The following PCDH9 variants were observed in gnomAD, a reference collection of about 807,000 sequenced individuals.
PCDH9 encodes the protein protocadherin-9.
PCDH9 carries 24 observed loss-of-function variants against 70.6 expected under a neutral mutation model. The observed-to-expected ratio is 0.34, with a 90% CI of 0.25 to 0.48. The LOEUF (loss-of-function observed/expected upper bound fraction) is 0.48. Among genes scored for constraint, PCDH9 ranks in the 20% least tolerant of loss-of-function variants. The pLI, the probability that PCDH9 is intolerant of heterozygous loss-of-function variation, is 0.99. For synonymous variants in PCDH9, 562 were observed against 558.5 expected (o/e 1.01, Z -0.09); for missense variants, 1,281 against 1,503.6 (o/e 0.85, Z 2.45).
At chr13:67,014,370 C>A (rs893871361) in intron 2 of PCDH9, among the ~76,000 whole-genome samples, 1 of 152,010 alleles carries the variant, frequency 6.6e-6, no homozygotes, top group Non-Finnish European at 1.5e-5. Flanking sequence ...CGCATAATAT[C>A]CTTTTAAGTT....
chr13:67,172,336 T>C (rs2088311271), intron 2 of PCDH9, among the ~76,000 whole-genome samples: 1 of 152,056 alleles, frequency 6.6e-6, no homozygotes, highest in African/African-American at 2.4e-5. Context: ...CTAGTAAGAG[T>C]TTCAGAAAAC....
intron 3 of PCDH9, among the ~76,000 whole-genome samples, chr13:66,745,056 T>C (rs779259405): frequency 4.6e-5 from 7 of 152,182 alleles, no homozygotes; most frequent in African/African-American, 1.7e-4. Context: ...GCAATTTACT[T>C]TTTGTGTGAG....
intron 3 of PCDH9, among the ~76,000 whole-genome samples, chr13:66,793,007 A>G (rs977189810): frequency 1.3e-5 from 2 of 152,164 alleles, no homozygotes; most frequent in Non-Finnish European, 2.9e-5. Context: ...AGTTGATTGG[A>G]TTACATCATG....
At chr13:66,675,882 T>C (rs987431875) in intron 3 of PCDH9, among the ~76,000 whole-genome samples, 13 of 152,148 alleles carry the variant, frequency 8.5e-5, no homozygotes, top group African/African-American at 3.1e-4. Flanking sequence ...TTCGCAGAAG[T>C]ATGGCGTTGT....
chr13:66,780,271 C>G (rs768609025), intron 3 of PCDH9, among the ~76,000 whole-genome samples: 5 of 152,062 alleles, frequency 3.3e-5, no homozygotes, highest in Non-Finnish European at 7.4e-5. Context: ...TTGATGGAAG[C>G]AAATCTATTT....
intron 2 of PCDH9, among the ~76,000 whole-genome samples, chr13:67,045,350 C>T (rs991866757): frequency 9.9e-5 from 15 of 152,232 alleles, no homozygotes; most frequent in African/African-American, 3.1e-4. Flanking sequence ...GCGTATTGTA[C>T]AATTTCCTTT....
At chr13:66,790,278 C>T (rs1461146355) in intron 3 of PCDH9, among the ~76,000 whole-genome samples, 1 of 151,722 alleles carries the variant, frequency 6.6e-6, no homozygotes, top group East Asian at 1.9e-4. Flanking sequence ...AATTTTTTCC[C>T]CAAAAGATTT....
intron 3 of PCDH9, among the ~76,000 whole-genome samples, chr13:66,875,905 C>G (rs2081798451): frequency 6.6e-6 from 1 of 152,142 alleles, no homozygotes; most frequent in South Asian, 2.1e-4. Context: ...TGTCAGGCAG[C>G]CTGTCATGTC....
intron 3 of PCDH9, among the ~76,000 whole-genome samples, chr13:66,863,027 A>G (rs1417871469): frequency 6.6e-6 from 1 of 152,238 alleles, no homozygotes; most frequent in Non-Finnish European, 1.5e-5. Flanking sequence ...AATGTTTGAA[A>G]GTCACATTTT....
intron 3 of PCDH9, among the ~76,000 whole-genome samples, chr13:66,703,449 C>G (rs1039983555): frequency 2.0e-5 from 3 of 152,118 alleles, no homozygotes; most frequent in African/African-American, 7.2e-5. Flanking sequence ...CTATAATAGA[C>G]CAAGCTTTGT....
chr13:66,459,118 T>C (rs896209061), intron 4 of PCDH9, among the ~76,000 whole-genome samples: 2 of 152,018 alleles, frequency 1.3e-5, no homozygotes, highest in South Asian at 4.1e-4. Flanking sequence ...CAGTCGAAAC[T>C]ACAGGGAAAA....
At chr13:66,930,608 T>C in intron 2 of PCDH9, among the ~76,000 whole-genome samples, 1 of 152,176 alleles carries the variant, frequency 6.6e-6, no homozygotes, top group East Asian at 1.9e-4. Flanking sequence ...AACTGTCCTG[T>C]TGCCATTCAT....
chr13:66,631,163 C>T, intron 4 of PCDH9, 47 bp downstream of exon 4: 4 of 982,490 alleles, frequency 4.1e-6, no homozygotes, highest in Non-Finnish European at 6.6e-6. Context: ...AAGTGCACTA[C>T]AAAACCAGAA....
At chr13:66,553,319 TG>T (rs1961580285) in intron 4 of PCDH9, among the ~76,000 whole-genome samples, 1 of 152,182 alleles carries the variant, frequency 6.6e-6, no homozygotes, top group Non-Finnish European at 1.5e-5. Context: ...TAAGTACTTG[TG>T]GAATGGATTA....
intron 4 of PCDH9, among the ~76,000 whole-genome samples, chr13:66,329,885 G>T (rs946060676): frequency 6.6e-6 from 1 of 152,040 alleles, no homozygotes; most frequent in African/African-American, 2.4e-5. Flanking sequence ...AGCAAAACAG[G>T]TCTTTCTTAT....
chr13:67,037,977 C>A (rs1049547379), intron 2 of PCDH9, among the ~76,000 whole-genome samples: 24 of 151,622 alleles, frequency 1.6e-4, no homozygotes, highest in African/African-American at 5.8e-4. Flanking sequence ...AGAATACTGA[C>A]GTATAAAACA....
At chr13:66,750,467 A>G (rs2079440349) in intron 3 of PCDH9, among the ~76,000 whole-genome samples, 3 of 152,044 alleles carry the variant, frequency 2.0e-5, no homozygotes. Flanking sequence ...AAAGCCTAAA[A>G]TGTGAAGTGA....
chr13:66,897,261 A>C (rs2139583001), intron 3 of PCDH9, among the ~76,000 whole-genome samples: 1 of 152,070 alleles, frequency 6.6e-6, no homozygotes, highest in Admixed American at 6.6e-5. Context: ...GAAGAAAGGA[A>C]GAGAGGGAGG....
At chr13:67,212,081 AT>A (rs1283704994) in intron 2 of PCDH9, 1 of 152,150 alleles carries the variant, frequency 6.6e-6, no homozygotes, top group Non-Finnish European at 1.5e-5. Context: ...TAGTAAAAAA[AT>A]GAAGTTTTAC....
Sources: gnomAD v4.1 joint callset for allele counts (sites outside exome capture counted in the v4.1 genomes callset) on GRCh38, gnomAD v4.1.1 for gene constraint, MANE v1.5 for transcripts, NCBI Gene and HGNC (gene_info 2026-07-23, HGNC 2026-07-21) for gene names.